Variants in TRIM42 observed in about 807,000 individuals in gnomAD.
The protein encoded by TRIM42 is tripartite motif-containing protein 42.
A neutral mutation model predicts 64.9 loss-of-function variants in TRIM42; 59 were observed. That is an observed-to-expected ratio of 0.91 (90% confidence interval 0.74 to 1.13). TRIM42 has a LOEUF of 1.13. Ranked by LOEUF, TRIM42 falls within the 50% of genes most tolerant of loss-of-function variation. The pLI, the probability that TRIM42 is intolerant of heterozygous loss-of-function variation, is 0.00. For synonymous variants in TRIM42, 354 were observed against 346.3 expected (o/e 1.02, Z -0.25); for missense variants, 878 against 929.5 (o/e 0.94, Z 0.72).
chr3:140,695,542 T>C (rs1274397349), intron 4 of TRIM42, among the ~76,000 whole-genome samples: 1 of 152,152 alleles, frequency 6.6e-6, no homozygotes, highest in Admixed American at 6.5e-5. Context: ...CAGTCTGCAC[T>C]GAGAGTCATC....
At chr3:140,700,026 C>G (rs1211050266) in intron 4 of TRIM42, among the ~76,000 whole-genome samples, 2 of 152,176 alleles carry the variant, frequency 1.3e-5, no homozygotes, top group Non-Finnish European at 2.9e-5. Flanking sequence ...ATCTCAAGTC[C>G]TCATTCACCT....
Position 140,680,950 on chromosome 3 carries a change from A to T in TRIM42, c.342-1512A>T, listed in dbSNP as rs1988378468. On this transcript the variant is annotated intron_variant, in intron 1 of 4. Coordinates refer to ENST00000286349, the MANE Select transcript of TRIM42 (RefSeq NM_152616.5). ...CAAAAGCAAAAAGGAACACAGCCGC[A>T]ATGTCGAGATTAGTATCCAAATATT... 2.6e-5 allele frequency among the ~76,000 whole-genome samples: 4 copies of T among 152,352 alleles called. No homozygotes were observed. In the East Asian group the frequency reaches 7.7e-4, roughly 29 times the overall value.
At position 140,701,041 on chromosome 3, in the gene TRIM42, A is replaced by G; in HGVS notation, c.*67A>G. The G allele has an allele frequency of 1.1e-5, 14 of 1,324,970 alleles. No individual in the cohort carries two copies. The highest frequency in any genetic ancestry group is 2.4e-5 in the East Asian group (1 of 40,960). The allele number at this position is 1,324,970 out of a possible 1,614,324, so 82.1% of individuals were successfully genotyped here. On this transcript the variant is annotated 3_prime_UTR_variant, in exon 5 of 5. Coordinates refer to ENST00000286349, the MANE Select transcript of TRIM42 (RefSeq NM_152616.5). ...TAGACATATACACACACATATATGT[A>G]TGTATATTTTTCTCACCACATTCTT...
chr3:140,688,627 C>A, intron 3 of TRIM42, 85 bp downstream of exon 3: 1 of 1,033,150 alleles, frequency 9.7e-7, no homozygotes, highest in Non-Finnish European at 1.4e-6. Context: ...GTTGCACTTA[C>A]CTCTTTGACC....
chr3:140,698,095 T>C (rs1988904338), intron 4 of TRIM42, among the ~76,000 whole-genome samples: 1 of 152,256 alleles, frequency 6.6e-6, no homozygotes, highest in Non-Finnish European at 1.5e-5. Flanking sequence ...ATACTTGTTT[T>C]ATTATTTTTG....
chr3:140,690,533 A>G (rs530000669), intron 3 of TRIM42, among the ~76,000 whole-genome samples: 4 of 46 alleles, frequency 0.087, no homozygotes, highest in Admixed American at 0.17. Context: ...GTTTTTATGT[A>G]TATATATATA....
In TRIM42 at chr3:140,678,165, TAGC is replaced by T. The variant is rs1988252500; in HGVS notation, c.-62_-60del. 1 of 1,408,586 alleles carries T rather than the reference TAGC, an allele frequency of 7.1e-7. No homozygotes were observed. Among genetic ancestry groups the T allele is most frequent in the African/African-American group, 1.4e-5 (1 of 70,886 alleles). 87.3% of individuals were successfully genotyped at this position (1,408,586 alleles called of 1,614,324 possible). ...AAGGACTCCTCCACTGGAGAACTGATAGCAGTATTCTGGTAGAGGAGGCATCAA... is the reference window on the plus strand; with the variant it reads ...AAGGACTCCTCCACTGGAGAACTGATAGTATTCTGGTAGAGGAGGCATCAA... On this transcript the variant is annotated 5_prime_UTR_variant, in exon 1 of 5. Transcript: ENST00000286349.
intron 4 of TRIM42, among the ~76,000 whole-genome samples, chr3:140,697,739 A>G (rs1988889641): frequency 6.6e-6 from 1 of 152,202 alleles, no homozygotes; most frequent in African/African-American, 2.4e-5. Context: ...GCTGGAGTGC[A>G]GTGGCGCGAT....
At chr3:140,679,609 T>C (rs1389274689) in intron 1 of TRIM42, among the ~76,000 whole-genome samples, 1 of 152,190 alleles carries the variant, frequency 6.6e-6, no homozygotes, top group Non-Finnish European at 1.5e-5. Context: ...TCTCCACCCA[T>C]GACCCTCTCA....
chr3:140,680,813 G>C (rs1480614440), intron 1 of TRIM42: 1 of 473,690 alleles, frequency 2.1e-6, no homozygotes, highest in Non-Finnish European at 2.8e-6. Context: ...TGTCACCACA[G>C]GGCCACTCCA....
At chr3:140,685,982 T>G (rs1406038170) in intron 2 of TRIM42, among the ~76,000 whole-genome samples, 1 of 152,228 alleles carries the variant, frequency 6.6e-6, no homozygotes, top group African/African-American at 2.4e-5. Context: ...AGACCTTGAT[T>G]TGACTTTGCT....
chr3:140,695,442 T>G (rs1274501223), intron 4 of TRIM42, among the ~76,000 whole-genome samples: 1 of 152,094 alleles, frequency 6.6e-6, no homozygotes, highest in Non-Finnish European at 1.5e-5. Context: ...CAACAATAGT[T>G]ACAAATTGGT....
At chr3:140,682,371 C>G in intron 1 of TRIM42, 91 bp from the exon 2 acceptor site, 1 of 1,310,340 alleles carries the variant, frequency 7.6e-7, no homozygotes. Flanking sequence ...CTAGACTGCC[C>G]CTCAGGAACC....
In TRIM42 at chr3:140,692,562, C is replaced by CACACACAGAG. The variant is rs375439126; in HGVS notation, c.2085+1371_2085+1372insCACACAGAGA. Among the ~76,000 whole-genome samples the CACACACAGAG allele has an allele frequency of 6.1e-4, 70 of 114,132 alleles. 1 individual carries two copies. Among genetic ancestry groups the CACACACAGAG allele is most frequent in the South Asian group, 2.2e-3 (7 of 3,154 alleles). The allele number at this position is 114,132 out of a possible 152,430, so 74.9% of individuals were successfully genotyped here. A position where few individuals can be genotyped will look rare whatever the true frequency, so the allele number is the denominator to read the frequency against. ...ACACACACACACACACACACACACACAGAGAGAGATAGAGAGAGAGAGAGA... is the reference window on the plus strand; with the variant it reads ...ACACACACACACACACACACACACACACACACAGAGAGAGAGAGATAGAGAGAGAGAGAGA... On this transcript the variant is annotated intron_variant, in intron 4 of 4. Transcript: ENST00000286349.
chr3:140,681,124 C>T (rs1293150849), intron 1 of TRIM42, among the ~76,000 whole-genome samples: 4 of 152,176 alleles, frequency 2.6e-5, no homozygotes, highest in South Asian at 2.1e-4. Context: ...TATGCTTTTA[C>T]GCCATAGCTC....
rs1264513809 is a variant in TRIM42 at position 140,688,363 on chromosome 3, T to G, written c.1681T>G (p.Ser561Ala). Residue 561 changes from serine to alanine, a missense_variant, in exon 3 of 5, where the codon TCA becomes GCA. Ser to Ala is a moderately conservative substitution (Grantham distance 99). Coordinates refer to ENST00000286349, the MANE Select transcript of TRIM42 (RefSeq NM_152616.5). ...TCTGGAGGCCTGTGGGAGAGCCCAG[T>G]CAGCCACCCCCGCCAAACCCACAGA... ...VGLEACGRAQ[S>A]ATPAKPTDGL... 1 of 1,614,124 alleles carries G rather than the reference T, an allele frequency of 6.2e-7. No homozygotes were observed. Among genetic ancestry groups the G allele is most frequent in the South Asian group, 1.1e-5 (1 of 91,070 alleles).
chr3:140,692,562 C>CACACACACAGAGAG (rs375439126), intron 4 of TRIM42, among the ~76,000 whole-genome samples: 5 of 114,116 alleles, frequency 4.4e-5, no homozygotes, highest in African/African-American at 1.2e-4. Flanking sequence ...CACACACACA[C>CACACACACAGAGAG]AGAGAGAGAT....
chr3:140,698,759 C>T (rs1988920617), intron 4 of TRIM42, among the ~76,000 whole-genome samples: 1 of 152,068 alleles, frequency 6.6e-6, no homozygotes, highest in African/African-American at 2.4e-5. Context: ...CCTTACTATT[C>T]TGAGACCCAA....
At position 140,688,052 on chromosome 3, in the gene TRIM42, T is replaced by A. The variant is rs1250218772; in HGVS notation, c.1370T>A (p.Ile457Asn). The change falls in exon 3 of 5, where the codon ATC becomes AAC. Residue 457 changes from isoleucine (I) to asparagine (N), a missense_variant. Transcript: ENST00000286349. ...KILVDQIEDGIQTTYRPDPQL... is the reference protein window; with the variant it reads ...KILVDQIEDGNQTTYRPDPQL... ...CTGGTGGACCAGATCGAGGACGGCATCCAGACCACCTACAGGCCTGACCCA... is the reference window on the plus strand; with the variant it reads ...CTGGTGGACCAGATCGAGGACGGCAACCAGACCACCTACAGGCCTGACCCA... 3 of 1,614,138 alleles carry A rather than the reference T, an allele frequency of 1.9e-6. No individual in the cohort carries two copies. Among genetic ancestry groups the A allele is most frequent in the Non-Finnish European group, 2.5e-6 (3 of 1,180,022 alleles).
Sources: allele counts gnomAD v4.1 joint callset (sites outside exome capture counted in the v4.1 genomes callset), GRCh38; gene constraint gnomAD v4.1.1; transcripts MANE v1.5; gene names NCBI Gene and HGNC (gene_info 2026-07-23, HGNC 2026-07-21).